Variants in ANK2 observed in about 807,000 individuals in gnomAD.
ANK2 encodes ankyrin 2, also known as ankyrin-2.
In ANK2, 83 loss-of-function variants were observed where a neutral mutation model predicts 360.5. The observed-to-expected ratio is 0.23, with a 90% CI of 0.19 to 0.28. ANK2 has a LOEUF of 0.28. Among genes scored for constraint, ANK2 ranks in the 10% least tolerant of loss-of-function variants. The probability of loss-of-function intolerance (pLI) is 1.00; values close to 1 mark genes in which losing one functional copy is unlikely to be tolerated. For synonymous variants in ANK2, 1,740 were observed against 1,759.5 expected (o/e 0.99, Z 0.28); for missense variants, 4,201 against 4,795.7 (o/e 0.88, Z 3.66).
At chr4:112,804,339 C>T in the ANK2 span, among the ~76,000 whole-genome samples, 1 of 152,168 alleles carries the variant, frequency 6.6e-6, no homozygotes, top group South Asian at 2.1e-4. Flanking sequence ...GTTTTTAAAA[C>T]AATACTTTAT....
At position 113,122,139 on chromosome 4, in the gene ANK2, TG is replaced by T; in HGVS notation, c.85-52276del. 1.3e-5 allele frequency among the ~76,000 whole-genome samples: 2 copies of T among 152,230 alleles called. 1 individual carries two copies. The highest frequency in any genetic ancestry group is 4.1e-4 in the South Asian group (2 of 4,828). On this transcript the variant is annotated intron_variant, in intron 1 of 45. Coordinates refer to ENST00000357077, the MANE Select transcript of ANK2 (RefSeq NM_001148.6). ...TTGAAAGTGTGTTATAAGAATGAGT[TG>T]AAAGTTGTGTTATAAGAATGAGTTG...
chr4:113,136,254 C>T (rs2096402058), intron 1 of ANK2, among the ~76,000 whole-genome samples: 2 of 152,078 alleles, frequency 1.3e-5, no homozygotes, highest in Non-Finnish European at 2.9e-5. Flanking sequence ...GCTCTGTGTC[C>T]ACAGCAGGCT....
the ANK2 span, among the ~76,000 whole-genome samples, chr4:112,757,112 C>CTTTTTT: frequency 5.9e-5 from 8 of 135,330 alleles, no homozygotes; most frequent in South Asian, 2.4e-4. Flanking sequence ...CTTTTCTTTT[C>CTTTTTT]TTTTTTTTTT....
intron 9 of ANK2, among the ~76,000 whole-genome samples, chr4:113,244,438 A>G (rs1478917723): frequency 6.6e-6 from 1 of 152,186 alleles, no homozygotes; most frequent in Admixed American, 6.5e-5. Flanking sequence ...GATTTGTAGC[A>G]TTACCTTTGC....
intron 10 of ANK2, among the ~76,000 whole-genome samples, chr4:113,253,705 A>C (rs1438080702): frequency 6.6e-6 from 1 of 152,022 alleles, no homozygotes. Context: ...CTTGCCAACA[A>C]TCTCATTACT....
intron 14 of ANK2, among the ~76,000 whole-genome samples, chr4:113,270,357 G>T (rs1174487272): frequency 6.6e-6 from 1 of 151,604 alleles, no homozygotes; most frequent in Non-Finnish European, 1.5e-5. Flanking sequence ...TTATCTTTTT[G>T]GATACCCTCT....
At chr4:113,163,764 C>CA (rs1158530849) in intron 1 of ANK2, among the ~76,000 whole-genome samples, 758 of 54,946 alleles carry the variant, frequency 0.014, 48 homozygotes, top group Non-Finnish European at 0.018. Flanking sequence ...AACTTCGTCT[C>CA]AAAAAAAAAA....
the ANK2 span, among the ~76,000 whole-genome samples, chr4:112,752,085 A>G: frequency 6.6e-6 from 1 of 152,118 alleles, no homozygotes; most frequent in African/African-American, 2.4e-5. Flanking sequence ...CCTGATCCCC[A>G]CTCCTAGAAA....
chr4:113,314,400 C>A (rs1563678596), intron 24 of ANK2, among the ~76,000 whole-genome samples: 2 of 152,098 alleles, frequency 1.3e-5, no homozygotes, highest in African/African-American at 4.8e-5. Flanking sequence ...TTCATACCAC[C>A]TATTATGTGT....
At chr4:113,373,671 T>G (rs1187671464) in intron 45 of ANK2, 1 of 738,846 alleles carries the variant, frequency 1.4e-6, no homozygotes, top group Non-Finnish European at 2.5e-6. Flanking sequence ...TTTTGTTTGG[T>G]CTTTTTAAAA....
chr4:113,315,848 G>A (rs1283366115), intron 24 of ANK2, among the ~76,000 whole-genome samples: 16 of 137,414 alleles, frequency 1.2e-4, no homozygotes, highest in East Asian at 1.1e-3. Flanking sequence ...ACTGAGCCAC[G>A]ATCGCGCCAC....
At chr4:112,855,642 G>A (rs2066196772) in intron 1 of ANK2, among the ~76,000 whole-genome samples, 1 of 152,062 alleles carries the variant, frequency 6.6e-6, no homozygotes, top group African/African-American at 2.4e-5. Context: ...TTCATTACAT[G>A]TATTAACAAT....
chr4:112,992,513 A>G (rs1395979757), intron 2 of ANK2, among the ~76,000 whole-genome samples: 2 of 152,212 alleles, frequency 1.3e-5, no homozygotes, highest in African/African-American at 2.4e-5. Context: ...CCATGACAAA[A>G]TACCATAAAC....
At chr4:113,261,021 CAAT>C (rs2052555432) in intron 13 of ANK2, among the ~76,000 whole-genome samples, 1 of 152,160 alleles carries the variant, frequency 6.6e-6, no homozygotes, top group Admixed American at 6.5e-5. Flanking sequence ...AAGTGGAAGT[CAAT>C]GTAGCCCTGT....
rs34065266 is a variant in ANK2, at chr4:113,341,725, G to A, written c.3931G>A (p.Val1311Ile). Reference protein sequence around the residue: ...LIDCRQIQESVTFASQVYREI... With the variant: ...LIDCRQIQESITFASQVYREI... ...AGATTGTCGACAGATCCAGGAATCCGTTACTTTTGCATCACAAGTATACAG... is the reference window on the plus strand; with the variant it reads ...AGATTGTCGACAGATCCAGGAATCCATTACTTTTGCATCACAAGTATACAG... Residue 1311 changes from valine to isoleucine, a missense_variant, in exon 33 of 46, where the codon GTT becomes ATT. Around this residue, in one of 4 missense-constraint regions of ANK2, gnomAD observed 1,268 missense variants for 1,650.8 expected, o/e 0.77. Coordinates refer to ENST00000357077, the MANE Select transcript of ANK2 (RefSeq NM_001148.6). The A allele has an allele frequency of 7.9e-5, 127 of 1,613,926 alleles. No individual in the cohort carries two copies. The highest frequency in any genetic ancestry group is 1.1e-4 in the African/African-American group (8 of 74,880).
rs930891006 is a variant in ANK2 at position 113,226,401 on chromosome 4, G to A, written c.385-5760G>A. Among the ~76,000 whole-genome samples the A allele has an allele frequency of 1.3e-4, 20 of 152,160 alleles. No individual in the cohort carries two copies. The East Asian group carries it at 1.4e-3, about 10-fold the overall frequency. Reference sequence around the variant, plus strand: ...TATGTCCTGTGTTGTCTCATTGCACGGTGTTCCTTCTCTTTCAAATACCTT... The same window carrying A: ...TATGTCCTGTGTTGTCTCATTGCACAGTGTTCCTTCTCTTTCAAATACCTT... On this transcript the variant is annotated intron_variant, in intron 4 of 45. Coordinates refer to ENST00000357077, the MANE Select transcript of ANK2 (RefSeq NM_001148.6).
intron 1 of ANK2, among the ~76,000 whole-genome samples, chr4:112,876,077 T>C (rs1038594566): frequency 6.6e-6 from 1 of 152,002 alleles, no homozygotes; most frequent in African/African-American, 2.4e-5. Flanking sequence ...TTTTTTTCAA[T>C]AGAACATTCA....
chr4:112,767,590 A>AAATAAAT, the ANK2 span, among the ~76,000 whole-genome samples: 3 of 151,822 alleles, frequency 2.0e-5, no homozygotes, highest in Non-Finnish European at 4.4e-5. Context: ...ATAAATAAAT[A>AAATAAAT]AATAAATAAT....
In ANK2 at chr4:113,214,173, C is replaced by T. The variant is rs2099059639; in HGVS notation, c.384+15064C>T. On this transcript the variant is annotated intron_variant, in intron 4 of 45. Transcript: ENST00000357077. ...TTTGCTGTGAATTGCACAACTCACACAGTAATGTAGCTTCACATACAGCTT... is the reference window on the plus strand; with the variant it reads ...TTTGCTGTGAATTGCACAACTCACATAGTAATGTAGCTTCACATACAGCTT... 2.3e-5 allele frequency: 16 copies of T among 696,786 alleles called. 3 individuals carry two copies. The South Asian group carries it at 2.5e-4, about 11-fold the overall frequency. The allele number at this position is 696,786 out of a possible 1,614,324, so 43.2% of individuals were successfully genotyped here.
Sources: allele counts gnomAD v4.1 joint callset (sites outside exome capture counted in the v4.1 genomes callset), GRCh38; gene constraint gnomAD v4.1.1; regional missense constraint gnomAD v4.1.1; transcripts MANE v1.5; gene names NCBI Gene and HGNC (gene_info 2026-07-23, HGNC 2026-07-21).